HK2: variants seen among roughly 807,000 people sequenced by gnomAD.
HK2 encodes the protein hexokinase 2, also known as hexokinase-2.
A neutral mutation model predicts 92.9 loss-of-function variants in HK2; 42 were observed. That is an observed-to-expected ratio of 0.45 (90% CI 0.35 to 0.58). The LOEUF is 0.58. Among genes scored for constraint, HK2 ranks in the 20% least tolerant of loss-of-function variants. The pLI is 0.00. For missense variants in HK2, 978 were observed against 1,245.1 expected (o/e 0.79, Z 3.23); for synonymous variants, 422 against 468.0 (o/e 0.90, Z 1.27).
At chr2:74,888,165 GT>G in intron 16 of HK2, 107 bp downstream of exon 16, 1 of 1,205,222 alleles carries the variant, frequency 8.3e-7, no homozygotes, top group Non-Finnish European at 1.2e-6. Context: ...ACAAAAGTCA[GT>G]TTAGTGGCAA....
chr2:74,854,256 A>C, intron 1 of HK2, 37 bp from the exon 2 acceptor site: 1 of 1,604,546 alleles, frequency 6.2e-7, no homozygotes, highest in Non-Finnish European at 8.5e-7. Flanking sequence ...AATTTATTTA[A>C]CCAGTGGTTT....
At chr2:74,847,603 G>A (rs1688472121) in intron 1 of HK2, among the ~76,000 whole-genome samples, 1 of 152,166 alleles carries the variant, frequency 6.6e-6, no homozygotes, top group Admixed American at 6.5e-5. Context: ...GAAGGATCAT[G>A]AGCCCAGGAG....
chr2:74,870,439 A>T (rs1689070111), intron 3 of HK2, among the ~76,000 whole-genome samples: 1 of 146,076 alleles, frequency 6.8e-6, no homozygotes, highest in Admixed American at 6.7e-5. Flanking sequence ...GCAACTGGAA[A>T]GAAAGCAGTG....
At position 74,892,106 on chromosome 2, in the gene HK2, A is replaced by G. The variant is rs954295337; in HGVS notation, c.*1165A>G. 74 of 152,778 alleles carry G rather than the reference A, an allele frequency of 4.8e-4. No homozygotes were observed. The highest frequency in any genetic ancestry group is 1.7e-3 in the African/African-American group (72 of 41,588). 9.5% of individuals were successfully genotyped at this position (152,778 alleles called of 1,614,324 possible). A position where few individuals can be genotyped will look rare whatever the true frequency, so the allele number is the denominator to read the frequency against. On this transcript the variant is annotated 3_prime_UTR_variant, in exon 18 of 18. Transcript: ENST00000290573. ...TCCTCCATCTAGAGATTTTCTTGGCAGTATTCCATGGGATGTTAAGCAAAG... is the reference window on the plus strand; with the variant it reads ...TCCTCCATCTAGAGATTTTCTTGGCGGTATTCCATGGGATGTTAAGCAAAG...
chr2:74,869,595 C>A lies in HK2; in HGVS notation c.375+1811C>A, dbSNP rs75522511. Among the ~76,000 whole-genome samples, 82 of 152,316 alleles carry A rather than the reference C, an allele frequency of 5.4e-4. 1 individual carries two copies. The East Asian group carries it at 0.013, about 25-fold the overall frequency. On this transcript the variant is annotated intron_variant, in intron 3 of 17. Coordinates refer to ENST00000290573, the MANE Select transcript of HK2 (RefSeq NM_000189.5). ...AGCAGTGGATTGCAAACCTGAATGG[C>A]AGCCACTTTAAGATTTTAAACGTAT...
chr2:74,867,538 C>A, intron 2 of HK2, 98 bp from the exon 3 acceptor site: 2 of 1,383,040 alleles, frequency 1.4e-6, no homozygotes, highest in Non-Finnish European at 2.1e-6. Context: ...CCGCCCCTTA[C>A]CCACAGATAT....
Position 74,834,541 on chromosome 2 carries a change from G to C in HK2, c.-40G>C. 6.2e-7 allele frequency: 1 copy of C among 1,609,654 alleles called. No individual in the cohort carries two copies. The highest frequency in any genetic ancestry group is 1.7e-5 in the Admixed American group (1 of 60,016). On this transcript the variant is annotated 5_prime_UTR_variant, in exon 1 of 18. Transcript: ENST00000290573. This position sits in a 1 kb window ranked among gnomAD's most constrained non-coding sequence, Gnocchi z 4.2. ...CGCCCGCCTCCCCTCTCGCGTCTCC[G>C]CCTCGGTTTCCCAACTCTGCGCCGT...
Position 74,867,789 on chromosome 2 carries a change from G to T in HK2, c.375+5G>T. 1.2e-6 allele frequency: 2 copies of T among 1,614,022 alleles called. No homozygotes were observed. The highest frequency in any genetic ancestry group is 2.2e-5 in the South Asian group (2 of 91,024). On this transcript the variant is annotated splice_donor_5th_base_variant and intron_variant, in intron 3 of 17. Transcript: ENST00000290573. ...ATGCGAGGCAGTGGCACCCAGGTAT[G>T]ACCCTTCTCTCAGGGCAGCCCCTGG... is the stretch of plus-strand genomic sequence containing the variant.
intron 1 of HK2, 81 bp from the exon 2 acceptor site, chr2:74,854,212 C>A: frequency 7.6e-7 from 1 of 1,315,482 alleles, no homozygotes; most frequent in Non-Finnish European, 1.1e-6. Context: ...TTTTGAAGAG[C>A]TGAGTGGTGT....
At chr2:74,842,004 C>T (rs1430982627) in intron 1 of HK2, among the ~76,000 whole-genome samples, 2 of 152,246 alleles carry the variant, frequency 1.3e-5, no homozygotes, top group African/African-American at 4.8e-5. Context: ...TGGGGTTGAA[C>T]TCTGGCTTTC....
chr2:74,874,574 GGTCATAGGAAT>G (rs1297649858), intron 7 of HK2, 125 bp downstream of exon 7: 1 of 867,858 alleles, frequency 1.2e-6, no homozygotes, highest in Non-Finnish European at 1.8e-6. Flanking sequence ...GGTGGCCACT[GGTCATAGGAAT>G]GTCTGTGACT....
At chr2:74,864,786 C>G (rs562017377) in intron 2 of HK2, among the ~76,000 whole-genome samples, 3 of 152,376 alleles carry the variant, frequency 2.0e-5, no homozygotes, top group Admixed American at 2.0e-4. Flanking sequence ...GGAATACAAG[C>G]ATGAGCCACC....
At chr2:74,850,493 C>T (rs1401639522) in intron 1 of HK2, among the ~76,000 whole-genome samples, 1 of 152,108 alleles carries the variant, frequency 6.6e-6, no homozygotes, top group Non-Finnish European at 1.5e-5. Context: ...TAGATAAATT[C>T]GAATACTATG....
In HK2 at chr2:74,884,318, A is replaced by G. The variant is rs370063345; in HGVS notation, c.1840-1176A>G. Among the ~76,000 whole-genome samples the G allele has an allele frequency of 6.4e-4, 98 of 152,370 alleles. 3 individuals carry two copies. The highest frequency in any genetic ancestry group is 2.2e-3 in the African/African-American group (93 of 41,594). On this transcript the variant is annotated intron_variant, in intron 12 of 17. Coordinates refer to ENST00000290573, the MANE Select transcript of HK2 (RefSeq NM_000189.5). The stretch of plus-strand genomic sequence containing the variant: ...TGGGCTCTGGCAAGACCCTCCTGTG[A>G]TGGGGAAATCCCACCAGTGCAGAGG...
At chr2:74,847,671 C>G (rs1284191894) in intron 1 of HK2, among the ~76,000 whole-genome samples, 2 of 152,096 alleles carry the variant, frequency 1.3e-5, no homozygotes, top group East Asian at 1.9e-4. Context: ...CGTCATTGCA[C>G]TCCAGCCTGG....
rs1348655537 is a variant in HK2, at chr2:74,889,336, T to A, written c.2467T>A (p.Cys823Ser). Residue 823 changes from cysteine to serine, a missense_variant, in exon 17 of 18, where the codon TGC becomes AGC. Around this residue, in one of 3 missense-constraint regions of HK2, gnomAD observed 742 missense variants for 922.5 expected, o/e 0.80. Transcript: ENST00000290573. ...CGACAGCATCATTGTTAAGGAGGTGTGCACTGTGGTGGCCCGGCGGGCAGC... is the reference window on the plus strand; with the variant it reads ...CGACAGCATCATTGTTAAGGAGGTGAGCACTGTGGTGGCCCGGCGGGCAGC... ...CDDSIIVKEV[C>S]TVVARRAAQL... 2.5e-6 allele frequency: 4 copies of A among 1,614,104 alleles called. No homozygotes were observed. Among genetic ancestry groups the A allele is most frequent in the Non-Finnish European group, 3.4e-6 (4 of 1,180,056 alleles).
intron 4 of HK2, 29 bp from the exon 5 acceptor site, chr2:74,873,247 T>A (rs1689142851): frequency 6.5e-7 from 1 of 1,534,822 alleles, no homozygotes; most frequent in Non-Finnish European, 9.0e-7. Context: ...TAGTGGGAAA[T>A]CAATATTCAC....
At chr2:74,861,151 G>T (rs1402711272) in intron 2 of HK2, among the ~76,000 whole-genome samples, 3 of 152,154 alleles carry the variant, frequency 2.0e-5, no homozygotes, top group African/African-American at 7.2e-5. Flanking sequence ...GCAGGGGTCG[G>T]GCACGGTGGC....
At position 74,880,407 on chromosome 2, in the gene HK2, C is replaced by T. The variant is rs781092298; in HGVS notation, c.1408C>T (p.Arg470Cys). The change falls in exon 10 of 18, where the codon CGC becomes TGC. Residue 470 changes from arginine (R) to cysteine (C), a missense_variant. Arg to Cys is a radical substitution (Grantham distance 180). Around this residue, in one of 3 missense-constraint regions of HK2, gnomAD observed 742 missense variants for 922.5 expected, o/e 0.80. Coordinates refer to ENST00000290573, the MANE Select transcript of HK2 (RefSeq NM_000189.5). ...AYRLADQHRA[R>C]QKTLEHLQLS... ...CCGGCTGGCCGATCAACACCGTGCC[C>T]GCCAGAAGACATTAGAGCATCTGCA... 14 of 1,614,164 alleles carry T rather than the reference C, an allele frequency of 8.7e-6. No homozygotes were observed. Among genetic ancestry groups the T allele is most frequent in the Non-Finnish European group, 1.0e-5 (12 of 1,180,036 alleles).
Sources: allele counts gnomAD v4.1 joint callset (sites outside exome capture counted in the v4.1 genomes callset), GRCh38; gene constraint gnomAD v4.1.1; regional missense constraint gnomAD v4.1.1; non-coding constraint Gnocchi (gnomAD v3.1); transcripts MANE v1.5; gene names NCBI Gene and HGNC (gene_info 2026-07-23, HGNC 2026-07-21).